The following MIB1 variants were observed in gnomAD, a reference collection of about 807,000 sequenced individuals.
MIB1 encodes E3 ubiquitin-protein ligase MIB1.
In MIB1, 278 loss-of-function variants were observed where a neutral mutation model predicts 124.5. That is an observed-to-expected ratio of 2.23 (90% CI 2.02 to 2.47). The LOEUF (loss-of-function observed/expected upper bound fraction) is 2.47. Ranked by LOEUF, MIB1 falls within the 30% of genes most tolerant of loss-of-function variation. The pLI is 0.00. For synonymous variants in MIB1, 446 were observed against 429.4 expected, an observed-to-expected ratio of 1.04 and a Z score of -0.48; for missense variants, 957 against 1,254.4, an observed-to-expected ratio of 0.76 and a Z score of 3.58.
Position 21,853,231 on chromosome 18 carries a change from T to G in MIB1, c.2665+13T>G. ...TGTGCTTGTGAGAGTAAGTAGCCTA[T>G]GCAGAGTTCCTCAATATTATTATAA... On this transcript the variant is annotated intron_variant, in intron 18 of 20. Coordinates refer to ENST00000261537, the MANE Select transcript of MIB1 (RefSeq NM_020774.4). 2 of 1,554,812 alleles carry G rather than the reference T, an allele frequency of 1.3e-6. No individual in the cohort carries two copies. Among genetic ancestry groups the G allele is most frequent in the Non-Finnish European group, 1.8e-6 (2 of 1,131,198 alleles).
rs546677384 is a variant in MIB1 at position 21,835,015 on chromosome 18, A to G, written c.1830-3350A>G. Among the ~76,000 whole-genome samples the G allele has an allele frequency of 2.1e-4, 32 of 152,316 alleles. 1 individual carries two copies. Among genetic ancestry groups the G allele is most frequent in the African/African-American group, 6.7e-4 (28 of 41,572 alleles). On this transcript the variant is annotated intron_variant, in intron 12 of 20. Coordinates refer to ENST00000261537, the MANE Select transcript of MIB1 (RefSeq NM_020774.4). The stretch of plus-strand genomic sequence containing the variant: ...CTTTAAAATAGATATTTAAAAACAA[A>G]ACCAAAAAGTTCACCACTCCTGGCT...
At chr18:21,747,817 T>C (rs2040928466) in intron 1 of MIB1, among the ~76,000 whole-genome samples, 1 of 152,192 alleles carries the variant, frequency 6.6e-6, no homozygotes, top group Admixed American at 6.5e-5. Flanking sequence ...CCCTCTATAA[T>C]TGCTAGCTAG....
chr18:21,830,082 T>A (rs1388944640), intron 12 of MIB1, among the ~76,000 whole-genome samples: 1 of 152,128 alleles, frequency 6.6e-6, no homozygotes, highest in Non-Finnish European at 1.5e-5. Flanking sequence ...TTCTGCAGCT[T>A]GTGATAAAAA....
chr18:21,765,959 T>C lies in MIB1; in HGVS notation c.401+16T>C, dbSNP rs758336318. On this transcript the variant is annotated intron_variant, in intron 2 of 20. Coordinates refer to ENST00000261537, the MANE Select transcript of MIB1 (RefSeq NM_020774.4). ...GAAGTGAGAGGTAGGGAGAACCCTT[T>C]TCTTCTTCAACCGAGGGTTTTTGTT... 42 of 1,612,656 alleles carry C rather than the reference T, an allele frequency of 2.6e-5. No individual in the cohort carries two copies. The highest frequency in any genetic ancestry group is 3.3e-5 in the Non-Finnish European group (39 of 1,179,022).
intron 1 of MIB1, among the ~76,000 whole-genome samples, chr18:21,756,626 G>A (rs1005001762): frequency 1.3e-5 from 2 of 152,150 alleles, no homozygotes; most frequent in East Asian, 1.9e-4. Context: ...CACCGTGGCC[G>A]GCAAATTTTG....
chr18:21,744,103 T>G (rs2040886473), intron 1 of MIB1, among the ~76,000 whole-genome samples: 1 of 150,190 alleles, frequency 6.7e-6, no homozygotes, highest in South Asian at 2.1e-4. Flanking sequence ...CAGGGTTTTT[T>G]TTTTTTTTTT....
At chr18:21,815,574 T>C (rs1180290501) in intron 10 of MIB1, 42 bp from the exon 11 acceptor site, 34 of 1,536,812 alleles carry the variant, frequency 2.2e-5, no homozygotes, top group Non-Finnish European at 2.9e-5. Context: ...TTTTTTTCTT[T>C]CTAAAATATT....
chr18:21,827,015 T>C (rs959597262), intron 12 of MIB1: 3 of 152,274 alleles, frequency 2.0e-5, no homozygotes, highest in East Asian at 1.9e-4. Flanking sequence ...GGGAGCTGTT[T>C]AGCAGATCCA....
chr18:21,709,381 G>A (rs138874711), intron 1 of MIB1, among the ~76,000 whole-genome samples: 394 of 151,212 alleles, frequency 2.6e-3, no homozygotes, highest in Non-Finnish European at 4.6e-3. Flanking sequence ...GCTCTCTCTC[G>A]GCTACACTGC....
At chr18:21,839,675 A>G (rs777843554) in intron 13 of MIB1, among the ~76,000 whole-genome samples, 70 of 151,436 alleles carry the variant, frequency 4.6e-4, no homozygotes, top group Non-Finnish European at 8.1e-4. Flanking sequence ...TTATTTATTT[A>G]TTTTTTCTGT....
intron 11 of MIB1, among the ~76,000 whole-genome samples, chr18:21,818,750 C>T (rs1032418706): frequency 2.6e-5 from 4 of 152,078 alleles, no homozygotes; most frequent in African/African-American, 7.2e-5. Context: ...GCCTGGCCAA[C>T]GTGGTGAAAC....
chr18:21,815,746 CTGTCA>C lies in MIB1; in HGVS notation c.1611_1615del (p.Val538Ter). On this transcript the variant is annotated frameshift_variant, in exon 11 of 21. Coordinates refer to ENST00000261537, the MANE Select transcript of MIB1 (RefSeq NM_020774.4). LOFTEE classifies it high-confidence loss of function. ...CGCCGACAGACACCACTTCATATTG[CTGTCA>C]ATAAAGGTCATCTTCAAGTTGTGAA... The C allele has an allele frequency of 6.2e-7, 1 of 1,614,148 alleles. No homozygotes were observed. The highest frequency in any genetic ancestry group is 8.5e-7 in the Non-Finnish European group (1 of 1,180,018).
At chr18:21,749,892 T>TC (rs2040954937) in intron 1 of MIB1, among the ~76,000 whole-genome samples, 2 of 152,186 alleles carry the variant, frequency 1.3e-5, no homozygotes, top group East Asian at 3.9e-4. Context: ...TCCACCCACC[T>TC]CAGCTTTCCA....
chr18:21,840,131 T>G (rs892917117), intron 13 of MIB1, among the ~76,000 whole-genome samples: 1 of 152,218 alleles, frequency 6.6e-6, no homozygotes, highest in African/African-American at 2.4e-5. Context: ...AATACAATTT[T>G]TGTATATTTT....
upstream of MIB1, among the ~76,000 whole-genome samples, chr18:21,736,234 C>G (rs1415540596): frequency 6.6e-6 from 1 of 152,222 alleles, no homozygotes; most frequent in African/African-American, 2.4e-5. Context: ...CCCAGGCAAA[C>G]AGGGTATGGA....
At chr18:21,837,108 A>G (rs535018669) in intron 12 of MIB1, among the ~76,000 whole-genome samples, 3 of 152,364 alleles carry the variant, frequency 2.0e-5, no homozygotes, top group Admixed American at 2.0e-4. Context: ...AGCTTTCCAA[A>G]GAAGCCTGTT....
intron 10 of MIB1, among the ~76,000 whole-genome samples, chr18:21,805,156 G>A (rs918648372): frequency 6.6e-6 from 1 of 151,918 alleles, no homozygotes; most frequent in African/African-American, 2.4e-5. Context: ...GCGATTATAG[G>A]CGCCTGCTAC....
intron 7 of MIB1, 98 bp from the exon 8 acceptor site, chr18:21,797,986 A>G (rs2041603559): frequency 1.7e-6 from 2 of 1,186,804 alleles, no homozygotes; most frequent in South Asian, 1.7e-5. Flanking sequence ...TTTCATTAGT[A>G]ATAAGTAAAA....
At chr18:21,800,118 T>A (rs2041634443) in intron 9 of MIB1, 144 bp downstream of exon 9, 1 of 580,080 alleles carries the variant, frequency 1.7e-6, no homozygotes, top group Non-Finnish European at 2.8e-6. Flanking sequence ...AAAGCAGACA[T>A]CAGACATTCT....
Sources: gnomAD v4.1 joint callset for allele counts (sites outside exome capture counted in the v4.1 genomes callset) on GRCh38, gnomAD v4.1.1 for gene constraint, MANE v1.5 for transcripts, NCBI Gene and HGNC (gene_info 2026-07-23, HGNC 2026-07-21) for gene names.